Variants in LARGE1 observed in about 807,000 individuals in gnomAD.
LARGE1 encodes the protein LARGE xylosyl- and glucuronyltransferase 1.
In LARGE1, 43 loss-of-function variants were observed where a neutral mutation model predicts 87.6. The ratio of observed to expected loss-of-function variants is 0.49; its 90% confidence interval spans 0.38 to 0.63. The LOEUF is 0.63. Ranked by LOEUF, LARGE1 falls within the 30% of genes least tolerant of loss-of-function variation. The probability of loss-of-function intolerance (pLI) is 0.00; values close to 1 mark genes in which losing one functional copy is unlikely to be tolerated. For synonymous variants in LARGE1, 434 were observed against 394.6 expected, an observed-to-expected ratio of 1.10 and a Z score of -1.18; for missense variants, 802 against 1,000.2, an observed-to-expected ratio of 0.80 and a Z score of 2.67.
intron 9 of LARGE1, among the ~76,000 whole-genome samples, chr22:33,356,046 T>C (rs1263339129): frequency 2.0e-5 from 3 of 152,052 alleles, no homozygotes; most frequent in Non-Finnish European, 2.9e-5. Context: ...CCTCCCCAGT[T>C]CCCCATTTTA....
chr22:33,755,041 T>C (rs544020898), intron 2 of LARGE1, among the ~76,000 whole-genome samples: 4 of 152,300 alleles, frequency 2.6e-5, no homozygotes, highest in Non-Finnish European at 5.9e-5. Context: ...CCCATAATAA[T>C]AAGGCAAAGA....
chr22:33,291,337 G>A (rs1419681114), intron 12 of LARGE1, among the ~76,000 whole-genome samples: 3 of 152,166 alleles, frequency 2.0e-5, no homozygotes, highest in African/African-American at 7.2e-5. Context: ...CTGAAAATGG[G>A]ATTCCAGTTA....
At chr22:33,363,042 T>G (rs1412954381) in intron 9 of LARGE1, among the ~76,000 whole-genome samples, 3 of 150,102 alleles carry the variant, frequency 2.0e-5, no homozygotes, top group Non-Finnish European at 3.0e-5. Flanking sequence ...ATTCTCGCTT[T>G]AAATGACATT....
the LARGE1 span, among the ~76,000 whole-genome samples, chr22:33,093,050 CTG>C: frequency 0.27 from 40,577 of 152,094 alleles, 5,989 homozygotes; most frequent in Non-Finnish European, 0.34. Flanking sequence ...AATCGCCACA[CTG>C]TCTTCCACAA....
the LARGE1 span, among the ~76,000 whole-genome samples, chr22:33,156,722 T>G: frequency 6.6e-6 from 1 of 152,114 alleles, no homozygotes; most frequent in Non-Finnish European, 1.5e-5. Context: ...AAGGCATGAT[T>G]GGTTTTGAAA....
intron 11 of LARGE1, among the ~76,000 whole-genome samples, chr22:33,220,552 G>A (rs1254720648): frequency 6.6e-6 from 1 of 152,182 alleles, no homozygotes; most frequent in Non-Finnish European, 1.5e-5. Flanking sequence ...TTTGAAGAAA[G>A]CTTGTACGTC....
chr22:33,113,453 C>T, the LARGE1 span, among the ~76,000 whole-genome samples: 3 of 152,196 alleles, frequency 2.0e-5, no homozygotes, highest in Non-Finnish European at 2.9e-5. Context: ...GTGATCCACC[C>T]GCCTTGACCT....
At chr22:33,431,932 G>C (rs1030390524) in intron 7 of LARGE1, among the ~76,000 whole-genome samples, 11 of 152,148 alleles carry the variant, frequency 7.2e-5, no homozygotes, top group African/African-American at 2.7e-4. Context: ...GTCAGGAGAG[G>C]GGCTTTCTGG....
At chr22:33,756,275 T>A (rs2084510065) in intron 2 of LARGE1, among the ~76,000 whole-genome samples, 1 of 152,068 alleles carries the variant, frequency 6.6e-6, no homozygotes. Flanking sequence ...GGGGACCAAA[T>A]CTTCTCCCGG....
At chr22:33,291,653 A>C (rs1382658455) in intron 12 of LARGE1, among the ~76,000 whole-genome samples, 1 of 151,644 alleles carries the variant, frequency 6.6e-6, no homozygotes, top group Non-Finnish European at 1.5e-5. Context: ...TACATACATA[A>C]TGTATTACAT....
intron 1 of LARGE1, among the ~76,000 whole-genome samples, chr22:33,914,975 G>A (rs913698434): frequency 4.8e-5 from 7 of 145,252 alleles, no homozygotes; most frequent in Non-Finnish European, 6.0e-5. Context: ...ATCAACATAG[G>A]GATGGATGAT....
chr22:33,336,938 G>A lies in LARGE1; in HGVS notation c.1287+708C>T, dbSNP rs540418910. On this transcript the variant is annotated intron_variant, in intron 10 of 14. Transcript: ENST00000397394. Reference sequence around the variant, plus strand: ...TAGCCGGGTGTGGTGGTGCATGCCTGTAATCCCAATTACTTGGGAGGCTGA... The same window carrying A: ...TAGCCGGGTGTGGTGGTGCATGCCTATAATCCCAATTACTTGGGAGGCTGA... Among the ~76,000 whole-genome samples, 8 of 152,060 alleles carry A rather than the reference G, an allele frequency of 5.3e-5. No homozygotes were observed. In the South Asian group the frequency reaches 1.7e-3, roughly 32 times the overall value.
In LARGE1 at chr22:33,287,710, A is replaced by C. The variant is rs180875372; in HGVS notation, c.1731-4362T>G. Among the ~76,000 whole-genome samples the C allele has an allele frequency of 1.9e-3, 297 of 152,352 alleles. 1 individual carries two copies. The highest frequency in any genetic ancestry group is 6.1e-3 in the Admixed American group (93 of 15,304). On this transcript the variant is annotated intron_variant, in intron 12 of 14. Coordinates refer to ENST00000397394, the MANE Select transcript of LARGE1 (RefSeq NM_133642.5). ...GAAAGTGAGTCCTGCAGAGGATAGA[A>C]TGCAGAGTCTTCCAGGAACAGTGGG...
the LARGE1 span, among the ~76,000 whole-genome samples, chr22:33,076,006 G>A: frequency 3.9e-5 from 6 of 152,198 alleles, no homozygotes; most frequent in South Asian, 2.1e-4. Flanking sequence ...AATAAACATC[G>A]ATAGGCTGGA....
At chr22:33,632,774 A>G (rs1187038391) in intron 3 of LARGE1, among the ~76,000 whole-genome samples, 1 of 152,252 alleles carries the variant, frequency 6.6e-6, no homozygotes, top group Non-Finnish European at 1.5e-5. Context: ...TCAGGCATTC[A>G]TAGATACTTG....
intron 2 of LARGE1, among the ~76,000 whole-genome samples, chr22:33,742,835 T>G (rs1355388079): frequency 6.6e-6 from 1 of 152,140 alleles, no homozygotes; most frequent in Non-Finnish European, 1.5e-5. Flanking sequence ...CTAGCTCACC[T>G]CACTATTGGA....
chr22:33,471,647 T>C (rs1349219953), intron 6 of LARGE1, among the ~76,000 whole-genome samples: 1 of 152,098 alleles, frequency 6.6e-6, no homozygotes, highest in Non-Finnish European at 1.5e-5. Context: ...AGGAAACTCT[T>C]CCACTCAGAG....
In LARGE1 at chr22:33,207,641, A is replaced by G. The variant is rs868192416; in HGVS notation, c.1731-40809T>C. Among the ~76,000 whole-genome samples the G allele has an allele frequency of 4.1e-4, 63 of 152,156 alleles. 1 individual carries two copies. The highest frequency in any genetic ancestry group is 1.4e-3 in the African/African-American group (59 of 41,430). On this transcript the variant is annotated intron_variant, in intron 11 of 11. Coordinates refer to the LARGE1 transcript ENST00000608642. The stretch of plus-strand genomic sequence containing the variant: ...TGATCCTCACCCACCACAGAGTGAG[A>G]GCGTCGGCGACCCCATTATAAGCTT...
At chr22:33,460,366 G>C (rs535819866) in intron 6 of LARGE1, among the ~76,000 whole-genome samples, 4 of 152,106 alleles carry the variant, frequency 2.6e-5, no homozygotes, top group Non-Finnish European at 5.9e-5. Context: ...CTAACTCTGG[G>C]TTGGGCCAGC....
Sources: allele counts gnomAD v4.1 joint callset (sites outside exome capture counted in the v4.1 genomes callset), GRCh38; gene constraint gnomAD v4.1.1; transcripts MANE v1.5; gene names NCBI Gene and HGNC (gene_info 2026-07-23, HGNC 2026-07-21).